Variants in ITIH3 observed in about 807,000 individuals in gnomAD.
ITIH3 encodes the protein inter-alpha-trypsin inhibitor heavy chain 3, also known as inter-alpha-trypsin inhibitor heavy chain H3.
In ITIH3, 81 loss-of-function variants were observed where a neutral mutation model predicts 96.5. The ratio of observed to expected loss-of-function variants is 0.84; its 90% CI spans 0.70 to 1.01. The LOEUF is 1.01. ITIH3 is among the 50% of genes least tolerant of loss of function. The pLI is 0.00. For missense variants in ITIH3, 1,057 were observed against 1,139.3 expected, an observed-to-expected ratio of 0.93 and a Z score of 1.04; for synonymous variants, 422 against 445.2, an observed-to-expected ratio of 0.95 and a Z score of 0.66.
chr3:52,796,968 C>A, intron 4 of ITIH3, 125 bp downstream of exon 4: 1 of 1,232,406 alleles, frequency 8.1e-7, no homozygotes. Context: ...GCCATTATCC[C>A]ACGTTGAGGC....
chr3:52,804,702 C>G (rs1699973522), intron 14 of ITIH3, 24 bp from the exon 15 acceptor site: 1 of 1,576,996 alleles, frequency 6.3e-7, no homozygotes, highest in Non-Finnish European at 8.6e-7. Flanking sequence ...CATTTCTCTT[C>G]TTCCTCCCTT....
chr3:52,795,811 T>C (rs1173767808), intron 2 of ITIH3, 188 bp downstream of exon 2: 2 of 574,564 alleles, frequency 3.5e-6, no homozygotes, highest in Non-Finnish European at 6.1e-6. Flanking sequence ...TGACGACCCC[T>C]CCAACCTCGC....
intron 11 of ITIH3, among the ~76,000 whole-genome samples, chr3:52,801,398 A>G: frequency 6.6e-6 from 1 of 152,256 alleles, no homozygotes; most frequent in East Asian, 1.9e-4. Context: ...TAAATAATGA[A>G]TTTTTGTAGT....
chr3:52,804,640 G>A (rs1020717010), intron 14 of ITIH3, 86 bp from the exon 15 acceptor site: 2 of 1,472,930 alleles, frequency 1.4e-6, no homozygotes, highest in African/African-American at 2.8e-5. Context: ...GGGCTGGTCG[G>A]CCAAGCAGCC....
chr3:52,798,222 C>T (rs763430800), intron 6 of ITIH3, among the ~76,000 whole-genome samples: 13 of 152,174 alleles, frequency 8.5e-5, no homozygotes, highest in African/African-American at 1.2e-4. Context: ...TTACAGGTCC[C>T]GAGGCTGAAG....
At position 52,806,326 on chromosome 3, in the gene ITIH3, C is replaced by G; in HGVS notation, c.1976C>G (p.Pro659Arg). Residue 659 changes from proline (P) to arginine (R), a missense_variant, in exon 18 of 22, where the codon CCG becomes CGG. Transcript: ENST00000449956. ...DGDPHFIIQI[P>R]EKDDALCFNI... ...GATCCCCACTTCATCATCCAAATTC[C>G]GGAGAAAGACGATGCCCTCTGCTTC... 1 of 1,613,928 alleles carries G rather than the reference C, an allele frequency of 6.2e-7. No homozygotes were observed. The highest frequency in any genetic ancestry group is 1.6e-4 in the Middle Eastern group (1 of 6,062).
intron 13 of ITIH3, among the ~76,000 whole-genome samples, chr3:52,803,191 C>T (rs558890535): frequency 2.5e-4 from 38 of 152,278 alleles, no homozygotes; most frequent in Non-Finnish European, 4.9e-4. Context: ...ACTGTGAAGC[C>T]GTTAGTACAC....
Position 52,807,808 on chromosome 3 carries a change from G to C in ITIH3, c.2323G>C (p.Val775Leu). 4 of 1,612,322 alleles carry C rather than the reference G, an allele frequency of 2.5e-6. No homozygotes were observed. Among genetic ancestry groups the C allele is most frequent in the Non-Finnish European group, 2.5e-6 (3 of 1,179,252 alleles). The change falls in exon 20 of 22, where the codon GTG (valine) becomes CTG (leucine). Residue 775 changes from valine (V) to leucine (L), a missense_variant. Physicochemically the swap from Val to Leu is conservative, Grantham distance 32. Transcript: ENST00000449956. The part of the protein sequence containing the change: ...VVSFGDGVTF[V>L]VVLHQVWKKH... ...CTCCTTTGGAGATGGGGTTACCTTC[G>C]TGGTCGTCCTACACCAGGTGTGGAA...
chr3:52,805,962 G>A (rs768516950), intron 16 of ITIH3, 122 bp downstream of exon 16: 5 of 1,517,766 alleles, frequency 3.3e-6, no homozygotes, highest in Non-Finnish European at 4.5e-6. Flanking sequence ...TGTGCCCTGA[G>A]GAGATTGCGG....
At chr3:52,800,830 C>T (rs1699804289) in intron 10 of ITIH3, 135 bp from the exon 11 acceptor site, 2 of 1,457,148 alleles carry the variant, frequency 1.4e-6, no homozygotes, top group African/African-American at 2.8e-5. Context: ...GGGCTCTCCA[C>T]CACCTGCCCC....
At position 52,803,886 on chromosome 3, in the gene ITIH3, C is replaced by T. The variant is rs774831056; in HGVS notation, c.1741C>T (p.Leu581Phe). Residue 581 changes from leucine (L) to phenylalanine (F), a missense_variant, in exon 14 of 22, where the codon CTC becomes TTC. By Grantham distance (22) the Leu-to-Phe change is conservative. Transcript: ENST00000449956. ...KNAHGEEKEN[L>F]TARALDLSLK... Reference sequence around the variant, plus strand: ...CGCCCATGGCGAGGAGAAGGAGAACCTCACGGCCCGGGCCCTGGACCTGTC... The same window carrying T: ...CGCCCATGGCGAGGAGAAGGAGAACTTCACGGCCCGGGCCCTGGACCTGTC... 4 of 1,614,046 alleles carry T rather than the reference C, an allele frequency of 2.5e-6. No individual in the cohort carries two copies. The highest frequency in any genetic ancestry group is 3.4e-6 in the Non-Finnish European group (4 of 1,179,894).
chr3:52,796,574 C>T lies in ITIH3; in HGVS notation c.208C>T (p.Arg70Cys), dbSNP rs1431220365. The change falls in exon 3 of 22, where the codon CGT (arginine) becomes TGT (cysteine). Residue 70 changes from arginine (R) to cysteine (C), a missense_variant. Coordinates refer to ENST00000449956, the MANE Select transcript of ITIH3 (RefSeq NM_002217.4). ...HNVVTMRAVNRADTAKEVSFD... is the reference protein window; with the variant it reads ...HNVVTMRAVNCADTAKEVSFD... ...TGTTGTCACCATGAGAGCCGTCAAC[C>T]GTGCAGACACGGCCAAGGAGGTTTC... 7 of 1,613,358 alleles carry T rather than the reference C, an allele frequency of 4.3e-6. No individual in the cohort carries two copies. Among genetic ancestry groups the T allele is most frequent in the Admixed American group, 3.3e-5 (2 of 59,928 alleles).
intron 11 of ITIH3, chr3:52,802,093 C>CT (rs5848961): frequency 0.32 from 127,939 of 403,086 alleles, 10,833 homozygotes; most frequent in Admixed American, 0.42. Context: ...TTTCATATTT[C>CT]TTTTTTTTTT....
In ITIH3 at chr3:52,800,949, C is replaced by A. The variant is rs745727253; in HGVS notation, c.1202-16C>A. 18 of 1,613,782 alleles carry A rather than the reference C, an allele frequency of 1.1e-5. No homozygotes were observed. In the East Asian group the frequency reaches 3.6e-4, roughly 32 times the overall value. On this transcript the variant is annotated splice_polypyrimidine_tract_variant and intron_variant, in intron 10 of 21. Transcript: ENST00000449956. Reference sequence around the variant, plus strand: ...CAGGGCTGGGGCTGGACTGTGAACACCCCCTTCTCCAACAGGTGAGAGCAG... The same window carrying A: ...CAGGGCTGGGGCTGGACTGTGAACAACCCCTTCTCCAACAGGTGAGAGCAG...
At chr3:52,806,047 G>T in intron 16 of ITIH3, 56 bp from the exon 17 acceptor site, 1 of 1,565,960 alleles carries the variant, frequency 6.4e-7, no homozygotes. Context: ...GGGGGTCGTC[G>T]GGCGCCTCCC....
chr3:52,803,478 C>T (rs1336743070), intron 13 of ITIH3, among the ~76,000 whole-genome samples: 1 of 151,876 alleles, frequency 6.6e-6, no homozygotes, highest in Non-Finnish European at 1.5e-5. Context: ...ACCACCATGC[C>T]TGGCTAATTT....
intron 6 of ITIH3, 85 bp from the exon 7 acceptor site, chr3:52,798,881 C>T: frequency 6.6e-7 from 1 of 1,520,158 alleles, no homozygotes; most frequent in Non-Finnish European, 9.0e-7. Flanking sequence ...GAGGCTGCAC[C>T]TCTGCTCCCT....
chr3:52,799,272 T>C, intron 7 of ITIH3, 100 bp from the exon 8 acceptor site: 2 of 1,191,194 alleles, frequency 1.7e-6, no homozygotes, highest in Non-Finnish European at 2.4e-6. Context: ...TAGGAACGTC[T>C]TTTTCTTGGG....
chr3:52,797,031 G>A, intron 4 of ITIH3, 74 bp from the exon 5 acceptor site: 2 of 1,520,202 alleles, frequency 1.3e-6, no homozygotes, highest in South Asian at 1.2e-5. Flanking sequence ...AAAGGGCTGG[G>A]CCTGGGGCCG....
Sources: gnomAD v4.1 joint callset for allele counts (sites outside exome capture counted in the v4.1 genomes callset) on GRCh38, gnomAD v4.1.1 for gene constraint, MANE v1.5 for transcripts, NCBI Gene and HGNC (gene_info 2026-07-23, HGNC 2026-07-21) for gene names.